Variants in ANTXR2 observed in about 807,000 individuals in gnomAD.
ANTXR2 encodes anthrax toxin receptor 2.
ANTXR2 carries 44 observed loss-of-function variants against 73.7 expected under a neutral mutation model. That is an observed-to-expected ratio of 0.60 (90% CI 0.47 to 0.77). The LOEUF (loss-of-function observed/expected upper bound fraction) is 0.77. Among genes scored for constraint, ANTXR2 ranks in the 30% least tolerant of loss-of-function variants. The probability of loss-of-function intolerance (pLI) is 0.00; values close to 1 mark genes in which losing one functional copy is unlikely to be tolerated. For missense variants in ANTXR2, 604 were observed against 592.5 expected (o/e 1.02, Z -0.20); for synonymous variants, 217 against 205.9 (o/e 1.05, Z -0.46).
At chr4:79,980,385 T>G (rs576393454) in intron 14 of ANTXR2, among the ~76,000 whole-genome samples, 1 of 152,300 alleles carries the variant, frequency 6.6e-6, no homozygotes, top group South Asian at 2.1e-4. Flanking sequence ...TTTAATGTTT[T>G]AGTTTGACCA....
At chr4:79,922,102 T>C (rs1015236139) in intron 16 of ANTXR2, among the ~76,000 whole-genome samples, 1 of 152,088 alleles carries the variant, frequency 6.6e-6, no homozygotes, top group African/African-American at 2.4e-5. Context: ...CAAATGACTT[T>C]TCTTGCTAAA....
At chr4:79,955,960 C>T (rs1304785023) in intron 16 of ANTXR2, among the ~76,000 whole-genome samples, 2 of 152,130 alleles carry the variant, frequency 1.3e-5, no homozygotes, top group African/African-American at 4.8e-5. Flanking sequence ...AAGCAATGTG[C>T]AATTCCTGGA....
At chr4:79,930,876 A>G (rs909444259) in intron 16 of ANTXR2, among the ~76,000 whole-genome samples, 1 of 152,200 alleles carries the variant, frequency 6.6e-6, no homozygotes, top group Non-Finnish European at 1.5e-5. Context: ...TTATTTATCT[A>G]TTTATTTCCG....
At chr4:80,021,147 CT>C (rs1345176141) in intron 10 of ANTXR2, among the ~76,000 whole-genome samples, 2 of 50,640 alleles carry the variant, frequency 3.9e-5, no homozygotes, top group Admixed American at 4.3e-4. Context: ...GAGACTCCAT[CT>C]CAAAAAAAAA....
intron 7 of ANTXR2, among the ~76,000 whole-genome samples, chr4:80,038,987 G>A (rs1733109010): frequency 6.6e-6 from 1 of 152,006 alleles, no homozygotes; most frequent in African/African-American, 2.4e-5. Flanking sequence ...ACATTGTTTT[G>A]TGCCTTCGGT....
chr4:79,973,043 G>T (rs972005448), intron 16 of ANTXR2, among the ~76,000 whole-genome samples: 3 of 151,186 alleles, frequency 2.0e-5, no homozygotes, highest in African/African-American at 7.3e-5. Flanking sequence ...CAAAGTGAAA[G>T]CATAGTGGAA....
At chr4:79,950,580 G>A (rs1728668204) in intron 16 of ANTXR2, among the ~76,000 whole-genome samples, 1 of 152,006 alleles carries the variant, frequency 6.6e-6, no homozygotes, top group African/African-American at 2.4e-5. Flanking sequence ...GCAAAGAATT[G>A]GAAAATAACA....
chr4:79,967,138 G>C (rs1388735075), intron 16 of ANTXR2, among the ~76,000 whole-genome samples: 1 of 68,536 alleles, frequency 1.5e-5, no homozygotes, highest in African/African-American at 3.9e-5. Flanking sequence ...TTCCCTTTCC[G>C]AGTCAAAGAA....
At position 80,055,157 on chromosome 4, in the gene ANTXR2, T is replaced by C. The variant is rs1277354918; in HGVS notation, c.548A>G (p.Gln183Arg). 1.5e-5 allele frequency: 23 copies of C among 1,560,124 alleles called. No homozygotes were observed. The highest frequency in any genetic ancestry group is 2.0e-5 in the Non-Finnish European group (23 of 1,150,624). Residue 183 changes from glutamine to arginine, a missense_variant, in exon 6 of 17, where the codon CAA (glutamine) becomes CGA (arginine). Transcript: ENST00000403729. ...AGATCTCTTGTAACTTACCTGTGCTTGTTCAAAATCAAGGACACCAACACA... is the reference window on the plus strand; with the variant it reads ...AGATCTCTTGTAACTTACCTGTGCTCGTTCAAAATCAAGGACACCAACACA... The part of the protein sequence containing the change: ...VYCVGVLDFE[Q>R]AQLERIADSK...
rs758150112 is a variant in ANTXR2 at position 79,977,640 on chromosome 4, C to T, written c.1409G>A (p.Arg470Gln). 4.4e-6 allele frequency: 7 copies of T among 1,579,350 alleles called. No individual in the cohort carries two copies. Among genetic ancestry groups the T allele is most frequent in the Admixed American group, 3.7e-5 (2 of 54,754 alleles). Residue 470 changes from arginine (R) to glutamine (Q), a missense_variant, in exon 16 of 17, where the codon CGA (arginine) becomes CAA (glutamine). By Grantham distance (43) the Arg-to-Gln change is conservative. Coordinates refer to ENST00000403729, the MANE Select transcript of ANTXR2 (RefSeq NM_058172.6). ...RRQYDRVSLM[R>Q]PQEGDEGRCI... Reference sequence around the variant, plus strand: ...ACAAACCTCATCTCCTTCCTGAGGTCGCATCAAAGAAACCCGGTCATACTG... The same window carrying T: ...ACAAACCTCATCTCCTTCCTGAGGTTGCATCAAAGAAACCCGGTCATACTG...
chr4:79,972,799 T>A (rs1578119956), intron 16 of ANTXR2, among the ~76,000 whole-genome samples: 2 of 15,150 alleles, frequency 1.3e-4, no homozygotes. Context: ...AGGGATAGCA[T>A]TGGGAGATAT....
chr4:80,035,047 C>T (rs1732891640), intron 8 of ANTXR2, among the ~76,000 whole-genome samples: 1 of 152,110 alleles, frequency 6.6e-6, no homozygotes, highest in African/African-American at 2.4e-5. Context: ...ATAAAACTTT[C>T]AATAGTGTTG....
chr4:79,929,934 T>G (rs1727993353), intron 16 of ANTXR2, among the ~76,000 whole-genome samples: 1 of 152,198 alleles, frequency 6.6e-6, no homozygotes, highest in Admixed American at 6.5e-5. Flanking sequence ...TGGAACCATT[T>G]AATCATTACA....
At chr4:79,916,528 G>T (rs539719679) in intron 16 of ANTXR2, among the ~76,000 whole-genome samples, 12 of 151,908 alleles carry the variant, frequency 7.9e-5, no homozygotes, top group Non-Finnish European at 1.5e-4. Context: ...TCATTTCATA[G>T]ATCTTAAATC....
intron 12 of ANTXR2, among the ~76,000 whole-genome samples, chr4:79,997,372 T>C (rs986016259): frequency 9.9e-5 from 15 of 151,956 alleles, no homozygotes; most frequent in Admixed American, 8.5e-4. Flanking sequence ...TCTAGGTGCC[T>C]AGGGACCCAC....
chr4:79,911,160 A>C (rs1253269348), intron 16 of ANTXR2, among the ~76,000 whole-genome samples: 1 of 152,240 alleles, frequency 6.6e-6, no homozygotes, highest in African/African-American at 2.4e-5. Flanking sequence ...AGAACACTGC[A>C]GAGCAATTTT....
intron 12 of ANTXR2, among the ~76,000 whole-genome samples, chr4:79,997,656 C>A (rs1303588092): frequency 6.6e-6 from 1 of 152,034 alleles, no homozygotes; most frequent in East Asian, 1.9e-4. Context: ...TCTTCCTCGA[C>A]AAACTCATCA....
intron 10 of ANTXR2, among the ~76,000 whole-genome samples, chr4:80,022,746 T>C (rs2110073036): frequency 6.6e-6 from 1 of 152,232 alleles, no homozygotes; most frequent in South Asian, 2.1e-4. Context: ...GTTGCAAACA[T>C]ATATGGGAAG....
At chr4:79,927,442 A>T (rs556347715) in intron 16 of ANTXR2, among the ~76,000 whole-genome samples, 2 of 152,166 alleles carry the variant, frequency 1.3e-5, no homozygotes, top group African/African-American at 2.4e-5. Flanking sequence ...CACCTGGCAG[A>T]TATCAAAATC....
Sources: allele counts gnomAD v4.1 joint callset (sites outside exome capture counted in the v4.1 genomes callset), GRCh38; gene constraint gnomAD v4.1.1; transcripts MANE v1.5; gene names NCBI Gene and HGNC (gene_info 2026-07-23, HGNC 2026-07-21).